The following PTPRD variants were observed in gnomAD, a reference collection of about 807,000 sequenced individuals.
PTPRD encodes the protein receptor-type tyrosine-protein phosphatase delta.
PTPRD carries 34 observed loss-of-function variants against 214.5 expected under a neutral mutation model. The ratio of observed to expected loss-of-function variants is 0.16; its 90% confidence interval spans 0.12 to 0.21. The LOEUF (loss-of-function observed/expected upper bound fraction) is 0.21. Among genes scored for constraint, PTPRD ranks in the 10% least tolerant of loss-of-function variants. The probability of loss-of-function intolerance (pLI) is 1.00; values close to 1 mark genes in which losing one functional copy is unlikely to be tolerated. For synonymous variants in PTPRD, 1,128 were observed against 845.7 expected, an observed-to-expected ratio of 1.33 and a Z score of -5.79; for missense variants, 2,545 against 2,398.7, an observed-to-expected ratio of 1.06 and a Z score of -1.27.
intron 14 of PTPRD, among the ~76,000 whole-genome samples, chr9:8,580,575 T>C (rs1256971610): frequency 6.6e-6 from 1 of 152,188 alleles, no homozygotes; most frequent in Non-Finnish European, 1.5e-5. Flanking sequence ...AGGGAAGTCT[T>C]TGACAGGTTA....
At chr9:8,769,002 A>T (rs1292809276) in intron 11 of PTPRD, among the ~76,000 whole-genome samples, 1 of 152,210 alleles carries the variant, frequency 6.6e-6, no homozygotes, top group Non-Finnish European at 1.5e-5. Flanking sequence ...CATGGCAGGG[A>T]GGCACAGGGG....
intron 3 of PTPRD, among the ~76,000 whole-genome samples, chr9:10,035,622 C>T (rs994353907): frequency 5.3e-5 from 8 of 151,862 alleles, no homozygotes; most frequent in Admixed American, 2.0e-4. Context: ...TCTAGGTTGA[C>T]GCTTGGTCTA....
chr9:10,499,946 T>G (rs1281184324), intron 2 of PTPRD, among the ~76,000 whole-genome samples: 1 of 151,932 alleles, frequency 6.6e-6, no homozygotes, highest in South Asian at 2.1e-4. Flanking sequence ...TCCTGGAGGA[T>G]GGATGAAAAG....
chr9:9,127,403 A>G (rs2099835649), intron 10 of PTPRD, among the ~76,000 whole-genome samples: 1 of 152,242 alleles, frequency 6.6e-6, no homozygotes, highest in Non-Finnish European at 1.5e-5. Context: ...CTAGGTGGAC[A>G]GTGTAAGTAT....
At chr9:10,197,019 C>G (rs191447363) in intron 3 of PTPRD, among the ~76,000 whole-genome samples, 2 of 152,080 alleles carry the variant, frequency 1.3e-5, no homozygotes, top group African/African-American at 4.8e-5. Flanking sequence ...GGCCCCAGAA[C>G]TCTGAGAAAT....
At chr9:9,179,453 C>A (rs941006057) in intron 10 of PTPRD, among the ~76,000 whole-genome samples, 28 of 152,044 alleles carry the variant, frequency 1.8e-4, no homozygotes, top group African/African-American at 6.5e-4. Context: ...GCTCACTTAA[C>A]CAAATTGACT....
At chr9:8,456,187 G>C (rs1173663729) in intron 33 of PTPRD, among the ~76,000 whole-genome samples, 1 of 152,138 alleles carries the variant, frequency 6.6e-6, no homozygotes, top group Admixed American at 6.5e-5. Flanking sequence ...GAATAAGACA[G>C]AGTCCTTGAC....
Position 9,700,498 on chromosome 9 carries a change from CT to C in PTPRD, c.-287+34034del, listed in dbSNP as rs1273150854. On this transcript the variant is annotated intron_variant, in intron 7 of 45. Transcript: ENST00000381196. The stretch of plus-strand genomic sequence containing the variant: ...GGAACCATACTATTCTAAAATCTGA[CT>C]TGTTTTTAAAACATTATATGTTTGT... Among the ~76,000 whole-genome samples the C allele has an allele frequency of 4.6e-5, 7 of 152,078 alleles. No homozygotes were observed. The East Asian group carries it at 1.4e-3, about 29-fold the overall frequency.
chr9:8,580,820 G>A (rs2092996934), intron 14 of PTPRD, among the ~76,000 whole-genome samples: 1 of 152,034 alleles, frequency 6.6e-6, no homozygotes, highest in Non-Finnish European at 1.5e-5. Context: ...TAGCAAATGT[G>A]GATACAATTT....
At chr9:9,499,062 A>C (rs1355348566) in intron 8 of PTPRD, among the ~76,000 whole-genome samples, 1 of 152,070 alleles carries the variant, frequency 6.6e-6, no homozygotes, top group Admixed American at 6.6e-5. Flanking sequence ...TTATTTAAGA[A>C]TTTGGAAAAT....
intron 11 of PTPRD, among the ~76,000 whole-genome samples, chr9:8,776,563 A>AT (rs2095485409): frequency 6.6e-6 from 1 of 151,916 alleles, no homozygotes; most frequent in Non-Finnish European, 1.5e-5. Flanking sequence ...AAGTGCTGTG[A>AT]TTACAGGAAT....
chr9:9,919,557 A>G (rs1010370483), intron 5 of PTPRD, among the ~76,000 whole-genome samples: 6 of 152,170 alleles, frequency 3.9e-5, no homozygotes, highest in Admixed American at 6.5e-5. Context: ...TAAAGGCCCA[A>G]TGATTCATGT....
rs2085922491 is a variant in PTPRD, at chr9:8,560,789, T to C, written c.353-32010A>G. 2.0e-5 allele frequency among the ~76,000 whole-genome samples: 3 copies of C among 152,282 alleles called. No homozygotes were observed. In the South Asian group the frequency reaches 6.2e-4, roughly 32 times the overall value. The stretch of plus-strand genomic sequence containing the variant: ...TAAAATGTTCTTCACAACAGGGTTA[T>C]CCAGTGTTTAGAAGGAAATCTCTAC... On this transcript the variant is annotated intron_variant, in intron 14 of 45. Coordinates refer to ENST00000381196, the MANE Select transcript of PTPRD (RefSeq NM_002839.4).
intron 6 of PTPRD, among the ~76,000 whole-genome samples, chr9:9,752,633 A>C (rs540634656): frequency 6.6e-6 from 1 of 152,194 alleles, no homozygotes; most frequent in Non-Finnish European, 1.5e-5. Flanking sequence ...CAGGGAGAAG[A>C]AAATGACATT....
intron 7 of PTPRD, among the ~76,000 whole-genome samples, chr9:9,576,497 GA>G (rs56315356): frequency 0.34 from 51,025 of 151,850 alleles, 8,907 homozygotes; most frequent in African/African-American, 0.41. Flanking sequence ...TGACATTTGT[GA>G]AAGGAGAATC....
In PTPRD at chr9:10,525,727, AGTGT is replaced by A. The variant is rs398010299; in HGVS notation, c.-600+86667_-600+86670del. Among the ~76,000 whole-genome samples, 63 of 147,050 alleles carry A rather than the reference AGTGT, an allele frequency of 4.3e-4. 1 individual carries two copies. Among genetic ancestry groups the A allele is most frequent in the Admixed American group, 1.2e-3 (17 of 14,648 alleles). ...GGGAAGGATCCACAAAGATTTTCAA[AGTGT>A]GTGTGTGTGTGTGTGTGTGTGTGTG... On this transcript the variant is annotated intron_variant, in intron 2 of 45. Transcript: ENST00000381196.
chr9:10,547,112 A>G (rs1449998093), intron 2 of PTPRD, among the ~76,000 whole-genome samples: 1 of 152,056 alleles, frequency 6.6e-6, no homozygotes, highest in African/African-American at 2.4e-5. Flanking sequence ...TTCTTATTTC[A>G]AGTCAACCTA....
chr9:9,093,315 A>G (rs1462122485), intron 10 of PTPRD, among the ~76,000 whole-genome samples: 1 of 152,072 alleles, frequency 6.6e-6, no homozygotes, highest in Admixed American at 6.6e-5. Flanking sequence ...AATACGAATA[A>G]CACTAGTAGT....
chr9:9,643,797 T>C (rs2096054884), intron 7 of PTPRD, among the ~76,000 whole-genome samples: 1 of 152,194 alleles, frequency 6.6e-6, no homozygotes, highest in African/African-American at 2.4e-5. Context: ...AAGCTACTTT[T>C]CCCAAAACTC....
Sources: gnomAD v4.1 joint callset for allele counts (sites outside exome capture counted in the v4.1 genomes callset) on GRCh38, gnomAD v4.1.1 for gene constraint, MANE v1.5 for transcripts, NCBI Gene and HGNC (gene_info 2026-07-23, HGNC 2026-07-21) for gene names.